LYPD1: variants seen among roughly 807,000 people sequenced by gnomAD.
LYPD1 encodes the protein LY6/PLAUR domain containing 1, also known as ly6/PLAUR domain-containing protein 1.
LYPD1 carries 14 observed loss-of-function variants against 14.2 expected under a neutral mutation model. That is an observed-to-expected ratio of 0.99 (90% CI 0.65 to 1.54). The LOEUF (loss-of-function observed/expected upper bound fraction) is 1.54. Among genes scored for constraint, LYPD1 ranks in the 40% most tolerant of loss-of-function variants. The probability of loss-of-function intolerance (pLI) is 0.00; values close to 1 mark genes in which losing one functional copy is unlikely to be tolerated. For missense variants in LYPD1, 165 were observed against 175.7 expected (o/e 0.94, Z 0.34); for synonymous variants, 85 against 70.6 (o/e 1.20, Z -1.02).
intron 2 of LYPD1, among the ~76,000 whole-genome samples, chr2:132,656,898 C>T (rs10176004): frequency 0.055 from 8,436 of 152,134 alleles, 764 homozygotes; most frequent in African/African-American, 0.19. Flanking sequence ...CCCATCTTGG[C>T]CTAGCTGGTA....
Position 132,644,996 on chromosome 2 carries a change from G to A in LYPD1, c.*1049C>T. ...ATTGGTACCATTTCCTGGCCAGTAAGCACAGAACAGAGGGGCTAAATATTT... is the reference window on the plus strand; with the variant it reads ...ATTGGTACCATTTCCTGGCCAGTAAACACAGAACAGAGGGGCTAAATATTT... On this transcript the variant is annotated 3_prime_UTR_variant, in exon 3 of 3. Transcript: ENST00000397463. 3 of 1,315,644 alleles carry A rather than the reference G, an allele frequency of 2.3e-6. No homozygotes were observed. The highest frequency in any genetic ancestry group is 3.0e-5 in the South Asian group (2 of 67,478). 81.5% of individuals were successfully genotyped at this position (1,315,644 alleles called of 1,614,324 possible).
Position 132,646,115 on chromosome 2 carries a change from G to A in LYPD1, c.356C>T (p.Ser119Leu), listed in dbSNP as rs770332492. The change falls in exon 3 of 3, where the codon TCG becomes TTG. Residue 119 changes from serine to leucine, a missense_variant. By Grantham distance (145) the Ser-to-Leu change is moderately radical (BLOSUM62 -2). Coordinates refer to ENST00000397463, the MANE Select transcript of LYPD1 (RefSeq NM_144586.7). Reference sequence around the variant, plus strand: ...GGTGCGGAGCCCTGGCCTGAGGGCCGAGGCAGAACTTCCCCTTTTCTTGGG... The same window carrying A: ...GGTGCGGAGCCCTGGCCTGAGGGCCAAGGCAGAACTTCCCCTTTTCTTGGG... ...PRPKKRGSSA[S>L]ALRPGLRTTI... is the part of the protein sequence containing the mutation. The A allele has an allele frequency of 1.7e-5, 28 of 1,609,002 alleles. No homozygotes were observed. In the South Asian group the frequency reaches 2.4e-4, roughly 14 times the overall value.
chr2:132,653,388 T>G (rs1481629392), intron 2 of LYPD1, among the ~76,000 whole-genome samples: 1 of 152,226 alleles, frequency 6.6e-6, no homozygotes, highest in Non-Finnish European at 1.5e-5. Flanking sequence ...ATGATAGTAT[T>G]GGATTATAAC....
At chr2:132,668,694 G>A (rs1222024489) in intron 1 of LYPD1, among the ~76,000 whole-genome samples, 157 bp from the exon 2 acceptor site, 1 of 152,160 alleles carries the variant, frequency 6.6e-6, no homozygotes, top group Non-Finnish European at 1.5e-5. Flanking sequence ...GCTGACACCG[G>A]CAGGGGGCGG....
intron 2 of LYPD1, among the ~76,000 whole-genome samples, chr2:132,650,759 A>G (rs1323561231): frequency 6.6e-6 from 1 of 151,642 alleles, no homozygotes; most frequent in Non-Finnish European, 1.5e-5. Context: ...AAATGAGTTT[A>G]TGCTTCTTAC....
At chr2:132,664,881 G>A (rs943432707) in intron 2 of LYPD1, among the ~76,000 whole-genome samples, 3 of 152,230 alleles carry the variant, frequency 2.0e-5, no homozygotes, top group African/African-American at 7.2e-5. Context: ...ATTTTGCAGA[G>A]TGCAATGACA....
intron 2 of LYPD1, among the ~76,000 whole-genome samples, chr2:132,661,694 A>G (rs1167263176): frequency 1.3e-5 from 2 of 152,226 alleles, no homozygotes; most frequent in East Asian, 3.9e-4. Flanking sequence ...GCAAATCCAT[A>G]GAAGCAGAAA....
chr2:132,659,903 A>T (rs1682831007), intron 2 of LYPD1, among the ~76,000 whole-genome samples: 1 of 152,244 alleles, frequency 6.6e-6, no homozygotes, highest in Admixed American at 6.5e-5. Flanking sequence ...TTGCATAAGT[A>T]ATAGAACAGT....
At chr2:132,651,349 G>T (rs1682355423) in intron 2 of LYPD1, among the ~76,000 whole-genome samples, 1 of 152,182 alleles carries the variant, frequency 6.6e-6, no homozygotes, top group East Asian at 1.9e-4. Context: ...CTGCCCCGAA[G>T]CTCAAGTCTC....
chr2:132,664,645 C>T (rs956541834), intron 2 of LYPD1, among the ~76,000 whole-genome samples: 1 of 152,178 alleles, frequency 6.6e-6, no homozygotes, highest in African/African-American at 2.4e-5. Context: ...TTTAGGAGAA[C>T]CTGTAACATT....
Position 132,646,026 on chromosome 2 carries a change from G to C in LYPD1, c.*19C>G. 1 of 1,507,820 alleles carries C rather than the reference G, an allele frequency of 6.6e-7. No individual in the cohort carries two copies. The highest frequency in any genetic ancestry group is 8.9e-7 in the Non-Finnish European group (1 of 1,118,928). The allele number at this position is 1,507,820 out of a possible 1,614,324, so 93.4% of individuals were successfully genotyped here. Reference sequence around the variant, plus strand: ...GGGCTGGAAGAACAATGCAGGAGGGGGTGGCATCTCCTTCAGCTTCAGCAG... The same window carrying C: ...GGGCTGGAAGAACAATGCAGGAGGGCGTGGCATCTCCTTCAGCTTCAGCAG... On this transcript the variant is annotated 3_prime_UTR_variant, in exon 3 of 3. Transcript: ENST00000397463.
intron 2 of LYPD1, among the ~76,000 whole-genome samples, chr2:132,664,365 G>A (rs1266341777): frequency 3.3e-5 from 5 of 152,182 alleles, no homozygotes; most frequent in Non-Finnish European, 5.9e-5. Flanking sequence ...GTTAGCTCAT[G>A]AGAAAATAAG....
intron 2 of LYPD1, among the ~76,000 whole-genome samples, chr2:132,652,810 T>C (rs972310912): frequency 6.6e-6 from 1 of 152,218 alleles, no homozygotes; most frequent in African/African-American, 2.4e-5. Flanking sequence ...TTGAGATGGG[T>C]GGCTATGCGT....
chr2:132,655,083 CTGAT>C (rs1172001285), intron 2 of LYPD1, among the ~76,000 whole-genome samples: 1 of 152,090 alleles, frequency 6.6e-6, no homozygotes, highest in African/African-American at 2.4e-5. Flanking sequence ...AGTGATGTGT[CTGAT>C]TGGTAAATTT....
At chr2:132,656,547 C>T (rs939551415) in intron 2 of LYPD1, among the ~76,000 whole-genome samples, 1 of 152,112 alleles carries the variant, frequency 6.6e-6, no homozygotes, top group Non-Finnish European at 1.5e-5. Context: ...TGAAAGAACA[C>T]TGTGTGAGGA....
At chr2:132,653,728 A>C (rs1253678598) in intron 2 of LYPD1, among the ~76,000 whole-genome samples, 2 of 152,254 alleles carry the variant, frequency 1.3e-5, no homozygotes, top group Non-Finnish European at 2.9e-5. Flanking sequence ...TATCTGAATC[A>C]AAAGCGATCA....
At chr2:132,653,440 A>G (rs573969635) in intron 2 of LYPD1, among the ~76,000 whole-genome samples, 4 of 152,350 alleles carry the variant, frequency 2.6e-5, no homozygotes, top group African/African-American at 9.6e-5. Context: ...ATGCTGACAT[A>G]GATAAATGAG....
At chr2:132,663,330 G>C (rs2082180) in intron 2 of LYPD1, among the ~76,000 whole-genome samples, 76,642 of 151,702 alleles carry the variant, frequency 0.51, 20,395 homozygotes, top group East Asian at 0.66. Flanking sequence ...CTGGAGTGCA[G>C]TGGAGTAATC....
At chr2:132,670,259 C>A (rs1683610122), upstream of LYPD1, 5 of 512,900 alleles carry the variant, frequency 9.7e-6, no homozygotes, top group South Asian at 2.8e-5. The surrounding 1 kb of genome is among the most constrained non-coding windows in gnomAD (Gnocchi z 4.5). Flanking sequence ...TCCCCACCTC[C>A]CACTCCAGGC....
Sources: allele counts gnomAD v4.1 joint callset (sites outside exome capture counted in the v4.1 genomes callset), GRCh38; gene constraint gnomAD v4.1.1; non-coding constraint Gnocchi (gnomAD v3.1); transcripts MANE v1.5; gene names NCBI Gene and HGNC (gene_info 2026-07-23, HGNC 2026-07-21).